TOX: variants seen among roughly 807,000 people sequenced by gnomAD.
The protein encoded by TOX is thymocyte selection-associated high mobility group box protein TOX.
In TOX, 11 loss-of-function variants were observed where a neutral mutation model predicts 53.7. That is an observed-to-expected ratio of 0.20 (90% confidence interval 0.13 to 0.34). The LOEUF is 0.34. Ranked by LOEUF, TOX falls within the 10% of genes least tolerant of loss-of-function variation. The probability of loss-of-function intolerance (pLI) is 1.00; values close to 1 mark genes in which losing one functional copy is unlikely to be tolerated. For missense variants in TOX, 570 were observed against 664.6 expected, an observed-to-expected ratio of 0.86 and a Z score of 1.56; for synonymous variants, 225 against 245.3, an observed-to-expected ratio of 0.92 and a Z score of 0.77.
rs1220142049 is a variant in TOX, at chr8:59,092,267, A to ATATATATATATTATATATACAT, written c.102+26618_102+26619insATGTATATATAATATATATATA. Among the ~76,000 whole-genome samples, 318 of 89,122 alleles carry ATATATATATATTATATATACAT rather than the reference A, an allele frequency of 3.6e-3. 24 individuals carry two copies. The highest frequency in any genetic ancestry group is 0.024 in the African/African-American group (275 of 11,622). 58.5% of individuals were successfully genotyped at this position (89,122 alleles called of 152,430 possible). A position where few individuals can be genotyped will look rare whatever the true frequency, so the allele number is the denominator to read the frequency against. On this transcript the variant is annotated intron_variant, in intron 1 of 8. Coordinates refer to ENST00000361421, the MANE Select transcript of TOX (RefSeq NM_014729.3). ...ACTCCATCTCATATATATATATTTT[A>ATATATATATATTATATATACAT]TATATATATATATATTATATATACA...
intron 2 of TOX, among the ~76,000 whole-genome samples, chr8:58,942,790 C>G (rs1812463905): frequency 6.6e-6 from 1 of 152,156 alleles, no homozygotes; most frequent in Admixed American, 6.6e-5. Flanking sequence ...AATATTTTCC[C>G]TATTCCCTCC....
chr8:58,920,652 A>T (rs1331061141), intron 3 of TOX, among the ~76,000 whole-genome samples: 11 of 119,876 alleles, frequency 9.2e-5, no homozygotes, highest in Non-Finnish European at 1.6e-4. Flanking sequence ...GCACATGTAT[A>T]CATATGTAAC....
intron 1 of TOX, among the ~76,000 whole-genome samples, chr8:59,091,153 TG>T (rs1460792047): frequency 1.3e-5 from 2 of 152,180 alleles, no homozygotes; most frequent in Non-Finnish European, 2.9e-5. Context: ...CCCTCCATAC[TG>T]CCAGCCTCAA....
intron 3 of TOX, among the ~76,000 whole-genome samples, chr8:58,858,864 G>T (rs1810959994): frequency 6.6e-6 from 1 of 152,186 alleles, no homozygotes. Context: ...GGAAGGCAAA[G>T]CGGTTTCATT....
intron 1 of TOX, among the ~76,000 whole-genome samples, chr8:59,007,300 T>C (rs1222653746): frequency 1.3e-5 from 2 of 152,180 alleles, no homozygotes; most frequent in African/African-American, 4.8e-5. Context: ...GAAATTCTTC[T>C]TTCTGGAAAA....
At chr8:58,957,417 C>T (rs6471762) in intron 2 of TOX, among the ~76,000 whole-genome samples, 93,406 of 152,012 alleles carry the variant, frequency 0.61, 30,324 homozygotes, top group Non-Finnish European at 0.71. Flanking sequence ...CTATCAGTTA[C>T]AAAACTATAT....
intron 1 of TOX, among the ~76,000 whole-genome samples, chr8:58,989,874 C>T (rs991752281): frequency 6.6e-6 from 1 of 152,120 alleles, no homozygotes; most frequent in African/African-American, 2.4e-5. Context: ...GCAGACTGGC[C>T]CAAAGAAGCC....
chr8:58,973,342 C>CA (rs139721834), intron 1 of TOX, among the ~76,000 whole-genome samples: 7,388 of 152,232 alleles, frequency 0.049, 224 homozygotes, highest in South Asian at 0.097. Flanking sequence ...TGTGGTTTCT[C>CA]AAAATAGGTA....
Position 58,984,660 on chromosome 8 carries a change from G to A in TOX, c.103-24652C>T, listed in dbSNP as rs924136176. ...TAGCTGGGTGTGGTGGCGGGCGTCT[G>A]TAGTCCCAGCTACTCGGGAGGCTGA... On this transcript the variant is annotated intron_variant, in intron 1 of 8. Coordinates refer to ENST00000361421, the MANE Select transcript of TOX (RefSeq NM_014729.3). Among the ~76,000 whole-genome samples, 4 of 151,932 alleles carry A rather than the reference G, an allele frequency of 2.6e-5. No homozygotes were observed. The East Asian group carries it at 5.8e-4, about 22-fold the overall frequency.
At chr8:58,923,052 G>A (rs771035313) in intron 3 of TOX, among the ~76,000 whole-genome samples, 2 of 152,106 alleles carry the variant, frequency 1.3e-5, no homozygotes, top group Non-Finnish European at 2.9e-5. Context: ...TTGAGGTCAG[G>A]GATCTTGGCA....
chr8:58,990,412 T>G (rs956274550), intron 1 of TOX, among the ~76,000 whole-genome samples: 4 of 151,306 alleles, frequency 2.6e-5, no homozygotes, highest in African/African-American at 9.7e-5. Context: ...CATTTATTTA[T>G]TTTTATTTAT....
intron 2 of TOX, among the ~76,000 whole-genome samples, chr8:58,959,716 C>T (rs1262886944): frequency 6.6e-6 from 1 of 152,178 alleles, no homozygotes; most frequent in East Asian, 1.9e-4. Flanking sequence ...AAAACAGCTG[C>T]CTGACGTTCT....
At chr8:58,970,148 C>T (rs1812976390) in intron 1 of TOX, among the ~76,000 whole-genome samples, 1 of 152,316 alleles carries the variant, frequency 6.6e-6, no homozygotes, top group Admixed American at 6.5e-5. Context: ...TTAATCCTCA[C>T]AACAACCCCA....
At chr8:59,103,249 A>C (rs994061106) in intron 1 of TOX, among the ~76,000 whole-genome samples, 1 of 152,212 alleles carries the variant, frequency 6.6e-6, no homozygotes, top group African/African-American at 2.4e-5. Flanking sequence ...AGTGAAAGTC[A>C]GGGAAAGAAT....
At chr8:58,870,752 G>C (rs560310674) in intron 3 of TOX, among the ~76,000 whole-genome samples, 21 of 152,150 alleles carry the variant, frequency 1.4e-4, no homozygotes, top group Non-Finnish European at 2.6e-4. Flanking sequence ...CTTATCTCTG[G>C]AAAAGGAGCA....
At chr8:58,900,106 C>A (rs1174341134) in intron 3 of TOX, among the ~76,000 whole-genome samples, 2 of 151,892 alleles carry the variant, frequency 1.3e-5, no homozygotes, top group African/African-American at 4.8e-5. Flanking sequence ...CCCATTTGAC[C>A]CTTCCTCTTT....
chr8:58,893,507 A>G (rs965948603), intron 3 of TOX, among the ~76,000 whole-genome samples: 2 of 152,236 alleles, frequency 1.3e-5, no homozygotes, highest in East Asian at 1.9e-4. Context: ...TCTACAGCAC[A>G]TAAGTCCTCA....
intron 1 of TOX, among the ~76,000 whole-genome samples, chr8:59,062,085 C>T (rs892486917): frequency 1.3e-5 from 2 of 152,186 alleles, no homozygotes; most frequent in African/African-American, 4.8e-5. Flanking sequence ...TCTGCCCCCA[C>T]ACCCAGGAGA....
In TOX at chr8:58,868,865, G is replaced by GAA. The variant is rs61357991; in HGVS notation, c.412-17062_412-17061dup. Among the ~76,000 whole-genome samples, 379 of 140,880 alleles carry GAA rather than the reference G, an allele frequency of 2.7e-3. 2 individuals carry two copies. Among genetic ancestry groups the GAA allele is most frequent in the African/African-American group, 7.0e-3 (270 of 38,462 alleles). 92.4% of individuals were successfully genotyped at this position (140,880 alleles called of 152,430 possible). On this transcript the variant is annotated intron_variant, in intron 3 of 8. Transcript: ENST00000361421. ...GAAATCAATAACAGGAAAAGAACAGGAAAAAAAAAAAAATCAACCAAGCCA... is the reference window on the plus strand; with the variant it reads ...GAAATCAATAACAGGAAAAGAACAGGAAAAAAAAAAAAAAATCAACCAAGCCA...
Sources: allele counts gnomAD v4.1 joint callset (sites outside exome capture counted in the v4.1 genomes callset), GRCh38; gene constraint gnomAD v4.1.1; transcripts MANE v1.5; gene names NCBI Gene and HGNC (gene_info 2026-07-23, HGNC 2026-07-21).